The following PER3 variants were observed in gnomAD, a reference collection of about 807,000 sequenced individuals.
The protein encoded by PER3 is period circadian regulator 3, also known as period circadian protein homolog 3.
Under a neutral mutation model 127.2 loss-of-function variants are expected in PER3, and 107 were observed. That is an observed-to-expected ratio of 0.84 (90% confidence interval 0.72 to 0.99). PER3 has a LOEUF of 0.99. PER3 is among the 50% of genes least tolerant of loss of function. The pLI is 0.00. For synonymous variants in PER3, 618 were observed against 585.8 expected, an observed-to-expected ratio of 1.05 and a Z score of -0.79; for missense variants, 1,560 against 1,525.8, an observed-to-expected ratio of 1.02 and a Z score of -0.37.
At chr1:7,788,363 T>C (rs988259064) in intron 5 of PER3, 117 bp downstream of exon 5, 1 of 712,164 alleles carries the variant, frequency 1.4e-6, no homozygotes, top group Non-Finnish European at 2.4e-6. Context: ...TGGTTTTTCT[T>C]ATTCCTGTTA....
At position 7,785,566 on chromosome 1, in the gene PER3, G is replaced by C. The variant is rs1386001850; in HGVS notation, c.254G>C (p.Arg85Pro). 1.2e-6 allele frequency: 2 copies of C among 1,613,420 alleles called. No homozygotes were observed. Among genetic ancestry groups the C allele is most frequent in the East Asian group, 2.2e-5 (1 of 44,896 alleles). Residue 85 changes from arginine (R) to proline (P), a missense_variant, in exon 3 of 22, where the codon CGC (arginine) becomes CCC (proline). Arg to Pro is a moderately radical substitution (Grantham distance 103). Transcript: ENST00000377532. ...STLDALNYAL[R>P]CVHSVQANSE... ...CTAGATGCCCTCAACTATGCTCTCCGCTGTGTCCACAGCGTTCAAGGTAAA... is the reference window on the plus strand; with the variant it reads ...CTAGATGCCCTCAACTATGCTCTCCCCTGTGTCCACAGCGTTCAAGGTAAA...
chr1:7,830,741 C>T (rs1689904), intron 19 of PER3, among the ~76,000 whole-genome samples: 33,746 of 152,040 alleles, frequency 0.22, 4,365 homozygotes, highest in East Asian at 0.48. Context: ...ATCTTTCCCC[C>T]GTTAAATTGC....
In PER3 at chr1:7,826,762, C is replaced by G. The variant is rs562424325; in HGVS notation, c.2188+52C>G. 9.2e-7 allele frequency: 1 copy of G among 1,089,222 alleles called. No homozygotes were observed. The highest frequency in any genetic ancestry group is 1.6e-5 in the African/African-American group (1 of 63,962). 67.5% of individuals were successfully genotyped at this position (1,089,222 alleles called of 1,614,324 possible). ...CATTAATCTATGTAAATGTTACAAACTGTATCTAAGGACTAGGAGATAAGG... is the reference window on the plus strand; with the variant it reads ...CATTAATCTATGTAAATGTTACAAAGTGTATCTAAGGACTAGGAGATAAGG... On this transcript the variant is annotated intron_variant, in intron 17 of 21. Transcript: ENST00000377532. This position sits in a 1 kb window ranked among gnomAD's most constrained non-coding sequence, Gnocchi z 4.2.
intron 5 of PER3, chr1:7,788,518 G>T (rs184701988): frequency 1.4e-4 from 48 of 332,474 alleles, no homozygotes; most frequent in Admixed American, 2.6e-4. Context: ...TGGTTTAGTT[G>T]CTATGAAGGC....
chr1:7,826,480 C>T lies in PER3; in HGVS notation c.1958C>T (p.Ala653Val), dbSNP rs1217292000. The T allele has an allele frequency of 6.3e-7, 1 of 1,579,398 alleles. No individual in the cohort carries two copies. Among genetic ancestry groups the T allele is most frequent in the Non-Finnish European group, 8.7e-7 (1 of 1,148,550 alleles). ...TIVHVPPPET[A>V]RDATLFCEPW... is the part of the protein sequence containing the mutation. Reference sequence around the variant, plus strand: ...TTAAATATGTCTTCTTCCACCTCAGCCAGGGATGCTACCCTCTTCTGTGAG... The same window carrying T: ...TTAAATATGTCTTCTTCCACCTCAGTCAGGGATGCTACCCTCTTCTGTGAG... Residue 653 changes from alanine (A) to valine (V), a missense_variant and splice_region_variant, in exon 17 of 22, where the codon GCC becomes GTC. Coordinates refer to ENST00000377532, the MANE Select transcript of PER3 (RefSeq NM_001377275.1). The surrounding 1 kb of genome is among the most constrained non-coding windows in gnomAD (Gnocchi z 4.2).
At chr1:7,824,577 A>G (rs2097292707) in intron 16 of PER3, among the ~76,000 whole-genome samples, 1 of 151,986 alleles carries the variant, frequency 6.6e-6, no homozygotes, top group South Asian at 2.1e-4. Flanking sequence ...ATTCTTTCTA[A>G]TTGGATGCCA....
At chr1:7,832,028 G>C (rs575183819) in intron 19 of PER3, among the ~76,000 whole-genome samples, 1 of 152,128 alleles carries the variant, frequency 6.6e-6, no homozygotes, top group African/African-American at 2.4e-5. Flanking sequence ...TTTTCTTGGT[G>C]AGGAGGATTT....
intron 21 of PER3, among the ~76,000 whole-genome samples, chr1:7,839,126 C>T (rs563191285): frequency 8.5e-5 from 13 of 152,080 alleles, no homozygotes; most frequent in Admixed American, 3.3e-4. Flanking sequence ...ATTTTCATTG[C>T]GATAACCATG....
rs77724998 is a variant in PER3, at chr1:7,790,750, C to T, written c.592+2504C>T. Among the ~76,000 whole-genome samples, 110 of 152,318 alleles carry T rather than the reference C, an allele frequency of 7.2e-4. 1 individual carries two copies. The highest frequency in any genetic ancestry group is 6.2e-3 in the East Asian group (32 of 5,194). Reference sequence around the variant, plus strand: ...TTAGTTATCTCCTAGGTACAATAGACGTACAAGCATTGGGTAAATACACCC... The same window carrying T: ...TTAGTTATCTCCTAGGTACAATAGATGTACAAGCATTGGGTAAATACACCC... On this transcript the variant is annotated intron_variant, in intron 5 of 21. Coordinates refer to ENST00000377532, the MANE Select transcript of PER3 (RefSeq NM_001377275.1).
intron 18 of PER3, among the ~76,000 whole-genome samples, chr1:7,828,646 G>T (rs1407743871): frequency 6.6e-6 from 1 of 152,208 alleles, no homozygotes; most frequent in South Asian, 2.1e-4. Flanking sequence ...AGTGAGTAAA[G>T]CCTGGGCTAT....
Position 7,844,275 on chromosome 1 carries a change from AT to A in PER3, c.*1524del, listed in dbSNP as rs1442529690. 6.0e-6 allele frequency: 1 copy of A among 167,950 alleles called. No homozygotes were observed. Among genetic ancestry groups the A allele is most frequent in the African/African-American group, 2.4e-5 (1 of 41,494 alleles). The allele number at this position is 167,950 out of a possible 1,614,324, so 10.4% of individuals were successfully genotyped here. ...AATGCTGCCTTTGACAGTTCTTGGA[AT>A]TTTCTGATATTAAGCAGTTCCATGC... On this transcript the variant is annotated 3_prime_UTR_variant, in exon 22 of 22. Transcript: ENST00000377532.
chr1:7,837,107 T>C lies in PER3; in HGVS notation c.3507T>C (p.Asn1169=), dbSNP rs1194113800. The change falls in exon 21 of 22, where the codon AAT becomes AAC. Residue 1169 remains asparagine, a synonymous_variant. Coordinates refer to ENST00000377532, the MANE Select transcript of PER3 (RefSeq NM_001377275.1). ...AGGAGGAGCTGGCTAAGGTGTATAA[T>C]TGGATTCAAAGCCAGACTGTCACTC... ...GQKEELAKVY[N]WIQSQTVTQE... The C allele has an allele frequency of 3.7e-6, 6 of 1,614,002 alleles. No homozygotes were observed. Among genetic ancestry groups the C allele is most frequent in the Admixed American group, 1.7e-5 (1 of 60,004 alleles).
chr1:7,836,157 G>C (rs228655), intron 20 of PER3, among the ~76,000 whole-genome samples: 46,126 of 151,600 alleles, frequency 0.3, 7,555 homozygotes, highest in Admixed American at 0.46. Context: ...ACCACCATGC[G>C]TGTCTAATTT....
chr1:7,803,664 C>T lies in PER3; in HGVS notation c.980-28C>T, dbSNP rs763259395. ...TAATCAGTATCTGTGTTAAGTAAAT[C>T]CTATTTTTGTCTTATTATTTTATAT... On this transcript the variant is annotated intron_variant, in intron 9 of 21. Transcript: ENST00000377532. The T allele has an allele frequency of 7.8e-6, 11 of 1,405,522 alleles. No individual in the cohort carries two copies. The Admixed American group carries it at 1.1e-4, about 14-fold the overall frequency. 87.1% of individuals were successfully genotyped at this position (1,405,522 alleles called of 1,614,324 possible). A position where few individuals can be genotyped will look rare whatever the true frequency, so the allele number is the denominator to read the frequency against.
At chr1:7,829,043 G>A (rs910578228) in intron 18 of PER3, among the ~76,000 whole-genome samples, 4 of 152,092 alleles carry the variant, frequency 2.6e-5, no homozygotes, top group Non-Finnish European at 5.9e-5. Context: ...AGATAGGCTG[G>A]AACGTTTTTA....
Position 7,842,985 on chromosome 1 carries a change from ATTGTC to A in PER3, c.*233_*237del. ...CCAGTTAGGCTCTTTTTGTAGTTGA[ATTGTC>A]TTCTAAAGAGATTGGATGGCCTCTA... On this transcript the variant is annotated 3_prime_UTR_variant, in exon 22 of 22. Coordinates refer to ENST00000377532, the MANE Select transcript of PER3 (RefSeq NM_001377275.1). The A allele has an allele frequency of 3.3e-6, 1 of 304,044 alleles. No homozygotes were observed. The highest frequency in any genetic ancestry group is 6.2e-6 in the Non-Finnish European group (1 of 160,530). 18.8% of individuals were successfully genotyped at this position (304,044 alleles called of 1,614,324 possible). A position where few individuals can be genotyped will look rare whatever the true frequency, so the allele number is the denominator to read the frequency against.
chr1:7,796,504 G>A (rs991541078), intron 6 of PER3, among the ~76,000 whole-genome samples: 10 of 151,748 alleles, frequency 6.6e-5, no homozygotes, highest in Admixed American at 5.9e-4. Flanking sequence ...TTGTAGAGAC[G>A]GGGTTTCTCC....
At chr1:7,834,913 G>T (rs2097350601) in intron 19 of PER3, among the ~76,000 whole-genome samples, 1 of 152,174 alleles carries the variant, frequency 6.6e-6, no homozygotes, top group Admixed American at 6.5e-5. Context: ...AGATAGGAAA[G>T]GAATGATCCA....
In PER3 at chr1:7,784,298, A is replaced by T. The variant is rs1188157939; in HGVS notation, c.-303A>T. ...GGCGCGGCGCCGGCTGCTGACCGGC[A>T]CGCGGCGAGCCTCGAGACTGCGCGA... is the stretch of plus-strand genomic sequence containing the variant. On this transcript the variant is annotated 5_prime_UTR_variant, in exon 1 of 22. Transcript: ENST00000377532. 6.7e-6 allele frequency: 1 copy of T among 149,122 alleles called. No individual in the cohort carries two copies. The highest frequency in any genetic ancestry group is 2.4e-5 in the African/African-American group (1 of 40,926). 9.2% of individuals were successfully genotyped at this position (149,122 alleles called of 1,614,324 possible).
Sources: allele counts gnomAD v4.1 joint callset (sites outside exome capture counted in the v4.1 genomes callset), GRCh38; gene constraint gnomAD v4.1.1; non-coding constraint Gnocchi (gnomAD v3.1); transcripts MANE v1.5; gene names NCBI Gene and HGNC (gene_info 2026-07-23, HGNC 2026-07-21).